The following NELL2 variants were observed in gnomAD, a reference collection of about 807,000 sequenced individuals.
The protein encoded by NELL2 is neural EGFL like 2.
In NELL2, 41 loss-of-function variants were observed where a neutral mutation model predicts 109.6. The observed-to-expected ratio is 0.37, with a 90% CI of 0.29 to 0.49. The LOEUF (loss-of-function observed/expected upper bound fraction) is 0.49, where lower values mean the gene tolerates loss of function less well. NELL2 is among the 20% of genes least tolerant of loss of function. The probability of loss-of-function intolerance (pLI) is 0.98; values close to 1 mark genes in which losing one functional copy is unlikely to be tolerated. For synonymous variants in NELL2, 355 were observed against 344.7 expected (o/e 1.03, Z -0.33); for missense variants, 900 against 1,008.3 (o/e 0.89, Z 1.45).
chr12:44,572,368 T>C (rs1943907641), intron 15 of NELL2, among the ~76,000 whole-genome samples: 1 of 152,140 alleles, frequency 6.6e-6, no homozygotes, highest in Non-Finnish European at 1.5e-5. Flanking sequence ...GAGACTGGTC[T>C]CAAACTCCTG....
chr12:44,820,182 C>T lies in NELL2; in HGVS notation c.185-4046G>A, dbSNP rs147448049. Among the ~76,000 whole-genome samples, 739 of 152,250 alleles carry T rather than the reference C, an allele frequency of 4.9e-3. 4 individuals are homozygous for T. Among genetic ancestry groups the T allele is most frequent in the Middle Eastern group, 0.034 (10 of 294 alleles). On this transcript the variant is annotated intron_variant, in intron 2 of 19. Transcript: ENST00000429094. ...CTTACCTCACCCTAAAATATTTAAACGTATTGTTCCCCCTTAAAAACATGT... is the reference window on the plus strand; with the variant it reads ...CTTACCTCACCCTAAAATATTTAAATGTATTGTTCCCCCTTAAAAACATGT...
intron 1 of NELL2, among the ~76,000 whole-genome samples, chr12:44,905,532 G>A (rs1308469314): frequency 6.6e-6 from 1 of 151,980 alleles, no homozygotes; most frequent in Non-Finnish European, 1.5e-5. Context: ...AGATCACAAT[G>A]ATCCAGCAAA....
chr12:44,915,407 C>T (rs1441533682), upstream of NELL2, among the ~76,000 whole-genome samples: 2 of 152,180 alleles, frequency 1.3e-5, no homozygotes, highest in African/African-American at 2.4e-5. Context: ...GTTATCTTCT[C>T]TTCTCAGTAA....
At chr12:44,872,315 A>G (rs900517285) in intron 2 of NELL2, among the ~76,000 whole-genome samples, 2 of 152,182 alleles carry the variant, frequency 1.3e-5, no homozygotes, top group African/African-American at 4.8e-5. Flanking sequence ...ATCAAAAGCC[A>G]TATTTATTAA....
At chr12:44,590,141 T>C (rs1944691152) in intron 15 of NELL2, among the ~76,000 whole-genome samples, 1 of 152,212 alleles carries the variant, frequency 6.6e-6, no homozygotes, top group African/African-American at 2.4e-5. Flanking sequence ...TCATTAATTA[T>C]AATGCTTATA....
intron 13 of NELL2, among the ~76,000 whole-genome samples, chr12:44,622,676 G>T (rs916460358): frequency 2.0e-5 from 3 of 152,072 alleles, no homozygotes; most frequent in Non-Finnish European, 2.9e-5. Context: ...TCCACAGTTG[G>T]ATCAGATACT....
intron 3 of NELL2, among the ~76,000 whole-genome samples, chr12:44,790,102 T>A (rs1489267425): frequency 1.3e-5 from 2 of 152,014 alleles, no homozygotes; most frequent in Non-Finnish European, 2.9e-5. Context: ...GACCTAGACA[T>A]CCAAATACAA....
intron 15 of NELL2, among the ~76,000 whole-genome samples, chr12:44,552,197 A>G (rs1165211194): frequency 6.6e-6 from 1 of 152,204 alleles, no homozygotes; most frequent in African/African-American, 2.4e-5. Context: ...AACATTTTCA[A>G]GTACAGCAAA....
At chr12:44,608,057 G>C (rs1246007655) in intron 14 of NELL2, among the ~76,000 whole-genome samples, 2 of 152,058 alleles carry the variant, frequency 1.3e-5, no homozygotes, top group South Asian at 4.1e-4. Context: ...GAGAAGAAGA[G>C]AAAAACAAGA....
intron 12 of NELL2, among the ~76,000 whole-genome samples, chr12:44,696,961 T>C (rs1286508723): frequency 1.3e-5 from 2 of 152,178 alleles, no homozygotes; most frequent in East Asian, 1.9e-4. Context: ...TAACACAGTA[T>C]ATAATAAAGT....
chr12:44,918,523 G>A (rs954909183), upstream of NELL2, among the ~76,000 whole-genome samples: 6 of 134,568 alleles, frequency 4.5e-5, no homozygotes, highest in Non-Finnish European at 7.6e-5. Flanking sequence ...ATGTATGTGT[G>A]TGTGTGTGTG....
intron 15 of NELL2, among the ~76,000 whole-genome samples, chr12:44,586,221 A>G (rs1230202619): frequency 6.7e-6 from 1 of 148,570 alleles, no homozygotes. Flanking sequence ...ATAATCATAT[A>G]TATCTAATTG....
intron 16 of NELL2, among the ~76,000 whole-genome samples, chr12:44,524,080 G>A (rs979732094): frequency 1.3e-5 from 2 of 152,100 alleles, no homozygotes; most frequent in Non-Finnish European, 2.9e-5. Flanking sequence ...AACCACAGAA[G>A]GGCAAATAAT....
chr12:44,587,987 T>C (rs1048735703), intron 15 of NELL2, among the ~76,000 whole-genome samples: 1 of 151,926 alleles, frequency 6.6e-6, no homozygotes, highest in South Asian at 2.1e-4. Context: ...CCGTCTCTAC[T>C]AAAAATACAA....
chr12:44,673,176 A>G (rs968580180), intron 12 of NELL2, among the ~76,000 whole-genome samples: 1 of 152,146 alleles, frequency 6.6e-6, no homozygotes, highest in African/African-American at 2.4e-5. Context: ...CTCCCCAAAG[A>G]GTTGCGTTTA....
chr12:44,625,048 A>C (rs1224384453), intron 13 of NELL2, among the ~76,000 whole-genome samples: 3 of 142,342 alleles, frequency 2.1e-5, no homozygotes, highest in Non-Finnish European at 4.6e-5. Flanking sequence ...GAACAAGTGA[A>C]TGTTGGGGAA....
At chr12:44,875,656 GAAA>G (rs11373833) in intron 1 of NELL2, 156 bp downstream of exon 1, 2 of 1,327,632 alleles carry the variant, frequency 1.5e-6, no homozygotes, top group Non-Finnish European at 1.0e-6. Context: ...GGCAAGCACA[GAAA>G]AAAAAAAAAT....
chr12:44,532,575 A>C lies in NELL2; in HGVS notation c.1804+6T>G. On this transcript the variant is annotated splice_donor_region_variant and intron_variant, in intron 16 of 19. Coordinates refer to ENST00000429094, the MANE Select transcript of NELL2 (RefSeq NM_001145108.2). Reference sequence around the variant, plus strand: ...CTTAAATTCTAGGTCTTCTCCTTGTACTGACCTTCACACGATTCTCCACTT... The same window carrying C: ...CTTAAATTCTAGGTCTTCTCCTTGTCCTGACCTTCACACGATTCTCCACTT... 6.2e-7 allele frequency: 1 copy of C among 1,612,688 alleles called. No individual in the cohort carries two copies. The highest frequency in any genetic ancestry group is 8.5e-7 in the Non-Finnish European group (1 of 1,179,298).
At chr12:44,810,941 T>C (rs1943154703) in intron 3 of NELL2, among the ~76,000 whole-genome samples, 1 of 152,076 alleles carries the variant, frequency 6.6e-6, no homozygotes, top group Non-Finnish European at 1.5e-5. Context: ...TCTCATGAAA[T>C]TAACAAACAT....
Sources: allele counts gnomAD v4.1 joint callset (sites outside exome capture counted in the v4.1 genomes callset), GRCh38; gene constraint gnomAD v4.1.1; transcripts MANE v1.5; gene names NCBI Gene and HGNC (gene_info 2026-07-23, HGNC 2026-07-21).